Variants in RANBP3 observed in about 807,000 individuals in gnomAD.
The protein encoded by RANBP3 is ran-binding protein 3.
RANBP3 carries 14 observed loss-of-function variants against 77.3 expected under a neutral mutation model. The ratio of observed to expected loss-of-function variants is 0.18; its 90% confidence interval spans 0.12 to 0.28. RANBP3 has a LOEUF of 0.28. RANBP3 is among the 10% of genes least tolerant of loss of function. The pLI, the probability that RANBP3 is intolerant of heterozygous loss-of-function variation, is 1.00. For missense variants in RANBP3, 586 were observed against 752.3 expected (o/e 0.78, Z 2.59); for synonymous variants, 315 against 312.4 (o/e 1.01, Z -0.09).
At chr19:5,925,874 T>TGC (rs2057901309) in intron 9 of RANBP3, 137 bp from the exon 10 acceptor site, 4 of 649,334 alleles carry the variant, frequency 6.2e-6, no homozygotes, top group Non-Finnish European at 1.1e-5. Flanking sequence ...CCTGTGTGTG[T>TGC]GCGCGTGCAT....
At chr19:5,925,141 C>T (rs2057885892) in intron 10 of RANBP3, 2 of 557,272 alleles carry the variant, frequency 3.6e-6, no homozygotes, top group Non-Finnish European at 6.5e-6. Context: ...AGCCACCTTC[C>T]ACCTGCTCTA....
At chr19:5,945,149 G>A (rs145659087) in intron 3 of RANBP3, among the ~76,000 whole-genome samples, 114 of 152,296 alleles carry the variant, frequency 7.5e-4, no homozygotes, top group Non-Finnish European at 3.2e-4. Flanking sequence ...CACAGTAGAA[G>A]CCCGTTTAGC....
intron 3 of RANBP3, chr19:5,950,670 T>C (rs1003047848): frequency 2.0e-5 from 3 of 152,334 alleles, no homozygotes; most frequent in African/African-American, 7.2e-5. Context: ...TGTCATGAGT[T>C]ACCTACAGGA....
intron 2 of RANBP3, among the ~76,000 whole-genome samples, chr19:5,953,647 A>G (rs1388480313): frequency 6.6e-6 from 1 of 152,248 alleles, no homozygotes; most frequent in Admixed American, 6.5e-5. Context: ...AGCCTACATA[A>G]GGATATTTAA....
At chr19:5,943,149 T>C (rs1164356432) in intron 3 of RANBP3, among the ~76,000 whole-genome samples, 3 of 152,204 alleles carry the variant, frequency 2.0e-5, no homozygotes, top group Non-Finnish European at 2.9e-5. Context: ...CCGCTCCTCC[T>C]GGCGCGCTCC....
chr19:5,952,731 A>G lies in RANBP3; in HGVS notation c.79-1135T>C, dbSNP rs944024893. ...TCCGGGAGGAGGAAAGGAGCTACAG[A>G]AAGAGGATGTAAGAGAATGTACACA... On this transcript the variant is annotated intron_variant, in intron 2 of 16. Coordinates refer to ENST00000340578, the MANE Select transcript of RANBP3 (RefSeq NM_007322.3). The surrounding 1 kb of genome is among the most constrained non-coding windows in gnomAD (Gnocchi z 4.1). Among the ~76,000 whole-genome samples, 1 of 152,196 alleles carries G rather than the reference A, an allele frequency of 6.6e-6. No individual in the cohort carries two copies. The highest frequency in any genetic ancestry group is 1.5e-5 in the Non-Finnish European group (1 of 68,040).
chr19:5,976,412 G>A (rs1458366169), intron 1 of RANBP3: 1 of 152,138 alleles, frequency 6.6e-6, no homozygotes, highest in Non-Finnish European at 1.5e-5. Flanking sequence ...CTCATGAGTT[G>A]GAATGCTGCA....
intron 9 of RANBP3, among the ~76,000 whole-genome samples, chr19:5,926,164 C>T (rs1005700243): frequency 6.6e-5 from 10 of 152,106 alleles, no homozygotes; most frequent in South Asian, 2.1e-4. Flanking sequence ...GTCAAATGCA[C>T]GATCTGCTTT....
In RANBP3 at chr19:5,978,138, T is replaced by G. The variant is rs1348363605; in HGVS notation, c.-56A>C. The G allele has an allele frequency of 1.2e-5, 19 of 1,585,822 alleles. No homozygotes were observed. The highest frequency in any genetic ancestry group is 1.7e-4 in the Middle Eastern group (1 of 5,980). On this transcript the variant is annotated 5_prime_UTR_variant, in exon 1 of 17. Coordinates refer to ENST00000340578, the MANE Select transcript of RANBP3 (RefSeq NM_007322.3). ...CGCGCCGGCCCAGGCTCGCCTGCTTTCTGCCAGAAACTCCCGCGCGTGCGC... is the reference window on the plus strand; with the variant it reads ...CGCGCCGGCCCAGGCTCGCCTGCTTGCTGCCAGAAACTCCCGCGCGTGCGC...
intron 1 of RANBP3, among the ~76,000 whole-genome samples, chr19:5,966,123 G>A (rs74792734): frequency 0.091 from 13,919 of 152,274 alleles, 732 homozygotes; most frequent in Middle Eastern, 0.18. Context: ...CCTTTTCTGT[G>A]CAGGTAGGCC....
Position 5,932,513 on chromosome 19 carries a change from C to T in RANBP3, c.504G>A (p.Gln168=). 2 of 1,613,870 alleles carry T rather than the reference C, an allele frequency of 1.2e-6. No individual in the cohort carries two copies. The highest frequency in any genetic ancestry group is 1.7e-6 in the Non-Finnish European group (2 of 1,180,032). ...ACACTGCCGGGCGAAGCACGCTCCG[C>T]TGCTGCTCCTTGGGCTTCTGGCTTG... is the stretch of plus-strand genomic sequence containing the variant. The part of the protein sequence containing the change: ...GLPSQKPKEQ[Q]RSVLRPAVLQ... The change falls in exon 7 of 17, where the codon CAG becomes CAA. Residue 168 remains glutamine (Q), a synonymous_variant. Coordinates refer to ENST00000340578, the MANE Select transcript of RANBP3 (RefSeq NM_007322.3).
At chr19:5,932,220 G>A (rs778101192) in intron 7 of RANBP3, among the ~76,000 whole-genome samples, 4 of 152,198 alleles carry the variant, frequency 2.6e-5, no homozygotes, top group African/African-American at 7.2e-5. Flanking sequence ...ACACTCAGCC[G>A]AGAGCTGTGA....
In RANBP3 at chr19:5,924,964, G is replaced by A. The variant is rs1047594312; in HGVS notation, c.918-59C>T. 4.8e-6 allele frequency: 7 copies of A among 1,465,890 alleles called. No individual in the cohort carries two copies. The highest frequency in any genetic ancestry group is 1.4e-5 in the African/African-American group (1 of 71,666). 90.8% of individuals were successfully genotyped at this position (1,465,890 alleles called of 1,614,324 possible). A position where few individuals can be genotyped will look rare whatever the true frequency, so the allele number is the denominator to read the frequency against. On this transcript the variant is annotated intron_variant, in intron 10 of 16. Transcript: ENST00000340578. The surrounding 1 kb of genome is among the most constrained non-coding windows in gnomAD (Gnocchi z 4.7). The stretch of plus-strand genomic sequence containing the variant: ...CACGTGGGAACGTGGCCAGGCAAAT[G>A]TATGGGTACCCATGGAGCACACACT...
At chr19:5,949,560 CA>C (rs1190696664) in intron 3 of RANBP3, among the ~76,000 whole-genome samples, 1 of 152,198 alleles carries the variant, frequency 6.6e-6, no homozygotes, top group Non-Finnish European at 1.5e-5. Context: ...ACATGGCCAC[CA>C]GAGCTACATT....
chr19:5,924,735 G>T lies in RANBP3; in HGVS notation c.996+92C>A. On this transcript the variant is annotated intron_variant, in intron 11 of 16. Coordinates refer to ENST00000340578, the MANE Select transcript of RANBP3 (RefSeq NM_007322.3). The surrounding 1 kb of genome is among the most constrained non-coding windows in gnomAD (Gnocchi z 4.7). ...AAGGCATCCCCATCTCACATAGGACGACACAGCAGCCCTGCTCTCCATGTC... is the reference window on the plus strand; with the variant it reads ...AAGGCATCCCCATCTCACATAGGACTACACAGCAGCCCTGCTCTCCATGTC... 7.7e-7 allele frequency: 1 copy of T among 1,302,836 alleles called. No homozygotes were observed. The highest frequency in any genetic ancestry group is 1.1e-6 in the Non-Finnish European group (1 of 900,676). 80.7% of individuals were successfully genotyped at this position (1,302,836 alleles called of 1,614,324 possible).
chr19:5,919,519 G>T (rs2057789745), intron 14 of RANBP3, among the ~76,000 whole-genome samples: 1 of 152,220 alleles, frequency 6.6e-6, no homozygotes, highest in South Asian at 2.1e-4. Context: ...CCAGGCAGAG[G>T]GGATGACCTG....
At chr19:5,931,714 A>T (rs938813951) in intron 7 of RANBP3, among the ~76,000 whole-genome samples, 183 bp from the exon 8 acceptor site, 2 of 151,542 alleles carry the variant, frequency 1.3e-5, no homozygotes, top group Non-Finnish European at 2.9e-5. Context: ...TCTTGGATTT[A>T]AAAAAAAACA....
intron 1 of RANBP3, chr19:5,962,628 C>T (rs1170070359): frequency 2.2e-6 from 1 of 455,560 alleles, no homozygotes; most frequent in East Asian, 6.9e-5. Flanking sequence ...CCCATTGGGA[C>T]CCCTGCTGAT....
chr19:5,977,772 C>G (rs1034718594), intron 1 of RANBP3, among the ~76,000 whole-genome samples: 15 of 152,218 alleles, frequency 9.9e-5, no homozygotes, highest in African/African-American at 2.9e-4. Flanking sequence ...CCTTCAGCCC[C>G]GAGCTTGGCT....
Sources: gnomAD v4.1 joint callset for allele counts (sites outside exome capture counted in the v4.1 genomes callset) on GRCh38, gnomAD v4.1.1 for gene constraint, Gnocchi (gnomAD v3.1) non-coding constraint, MANE v1.5 for transcripts, NCBI Gene and HGNC (gene_info 2026-07-23, HGNC 2026-07-21) for gene names.